The following TNR variants were observed in gnomAD, a reference collection of about 807,000 sequenced individuals.
TNR encodes the protein tenascin-R.
TNR carries 45 observed loss-of-function variants against 150.4 expected under a neutral mutation model. The ratio of observed to expected loss-of-function variants is 0.30; its 90% CI spans 0.24 to 0.38. TNR has a LOEUF of 0.38. Among genes scored for constraint, TNR ranks in the 10% least tolerant of loss-of-function variants. The pLI is 1.00. For missense variants in TNR, 1,544 were observed against 1,759.1 expected, an observed-to-expected ratio of 0.88 and a Z score of 2.19; for synonymous variants, 687 against 678.4, an observed-to-expected ratio of 1.01 and a Z score of -0.20.
intron 14 of TNR, among the ~76,000 whole-genome samples, chr1:175,361,659 A>T (rs1651591981): frequency 6.6e-6 from 1 of 152,218 alleles, no homozygotes; most frequent in Non-Finnish European, 1.5e-5. Flanking sequence ...TCATTTGGGA[A>T]ATACCATTCT....
chr1:175,340,055 G>A (rs1385502543), intron 18 of TNR, among the ~76,000 whole-genome samples: 1 of 152,128 alleles, frequency 6.6e-6, no homozygotes, highest in Admixed American at 6.5e-5. Flanking sequence ...ATAAAATAGT[G>A]ATTCATTTTT....
At chr1:175,574,316 C>A (rs1413203953) in intron 1 of TNR, among the ~76,000 whole-genome samples, 1 of 152,120 alleles carries the variant, frequency 6.6e-6, no homozygotes, top group Non-Finnish European at 1.5e-5. Context: ...CCCCATTGTC[C>A]TTTTCTGTCT....
rs1414453433 is a variant in TNR, at chr1:175,575,996, G to A, written c.-164-47627C>T. Among the ~76,000 whole-genome samples, 4 of 152,316 alleles carry A rather than the reference G, an allele frequency of 2.6e-5. No individual in the cohort carries two copies. The East Asian group carries it at 7.7e-4, about 29-fold the overall frequency. On this transcript the variant is annotated intron_variant, in intron 1 of 22. Coordinates refer to ENST00000367674, the MANE Select transcript of TNR (RefSeq NM_003285.3). ...GCGATTCGAGACATCCTCATTTGGG[G>A]AGCTGTGCCTCCAGCCAGCAGCTAT... is the stretch of plus-strand genomic sequence containing the variant.
intron 1 of TNR, among the ~76,000 whole-genome samples, chr1:175,568,704 GCAAGGCACAGTGCAC>G (rs1476029696): frequency 1.3e-5 from 2 of 152,180 alleles, no homozygotes; most frequent in African/African-American, 2.4e-5. Context: ...GGTTTCTACT[GCAAGGCACAGTGCAC>G]AGAAGAGCAA....
intron 1 of TNR, among the ~76,000 whole-genome samples, chr1:175,630,842 T>C (rs189635599): frequency 2.5e-3 from 380 of 152,062 alleles, no homozygotes; most frequent in African/African-American, 8.7e-3. Context: ...GGACAGCTTA[T>C]GAATAACAGG....
intron 14 of TNR, among the ~76,000 whole-genome samples, chr1:175,362,046 G>A (rs934607117): frequency 6.6e-5 from 10 of 152,178 alleles, no homozygotes; most frequent in African/African-American, 2.4e-4. Context: ...AGCTGATGGA[G>A]GATGCAGAAG....
At chr1:175,380,765 T>C (rs1251291391) in intron 8 of TNR, among the ~76,000 whole-genome samples, 1 of 152,186 alleles carries the variant, frequency 6.6e-6, no homozygotes, top group Non-Finnish European at 1.5e-5. Context: ...CATAAACAAC[T>C]TGCAGTGCAA....
intron 1 of TNR, among the ~76,000 whole-genome samples, chr1:175,575,461 T>C (rs1662064176): frequency 6.6e-6 from 1 of 152,208 alleles, no homozygotes; most frequent in Non-Finnish European, 1.5e-5. Flanking sequence ...GGTACTCATC[T>C]CTACCCTCAG....
intron 2 of TNR, among the ~76,000 whole-genome samples, chr1:175,452,683 T>C (rs1397112270): frequency 2.0e-5 from 3 of 152,166 alleles, no homozygotes; most frequent in Non-Finnish European, 4.4e-5. Context: ...ATTGTGAAGT[T>C]TGGAAGAACT....
rs749424184 is a variant in TNR at position 175,391,292 on chromosome 1, G to A, written c.1503C>T (p.Ser501=). ...ARSPPTSASV[S]TVIDGPTQIL... ...AGAAGGGTTGGAGGCACTCACCTGT[G>A]GAGACGCTGGCCGAGGTAGGGGGGC... The change falls in exon 7 of 23, where the codon TCC becomes TCT. Residue 501 remains serine (S), a synonymous_variant. Transcript: ENST00000367674. 1.2e-5 allele frequency: 19 copies of A among 1,613,542 alleles called. No homozygotes were observed. In the Admixed American group the frequency reaches 3.0e-4, roughly 25 times the overall value.
chr1:175,502,549 A>T (rs1658782907), intron 2 of TNR, among the ~76,000 whole-genome samples: 1 of 152,162 alleles, frequency 6.6e-6, no homozygotes, highest in Non-Finnish European at 1.5e-5. Flanking sequence ...TTAAAGCCAC[A>T]TACAAATCAG....
chr1:175,483,865 A>G (rs1350305365), intron 2 of TNR, among the ~76,000 whole-genome samples: 1 of 152,108 alleles, frequency 6.6e-6, no homozygotes, highest in African/African-American at 2.4e-5. Context: ...TGCCAGGTGC[A>G]CTGTCACCTA....
intron 1 of TNR, among the ~76,000 whole-genome samples, chr1:175,722,396 C>T (rs1667330036): frequency 6.6e-6 from 1 of 152,184 alleles, no homozygotes; most frequent in Non-Finnish European, 1.5e-5. Context: ...GACGCCAATA[C>T]TTATGCCTGC....
chr1:175,336,069 C>T (rs1314598699), intron 19 of TNR, among the ~76,000 whole-genome samples: 1 of 152,206 alleles, frequency 6.6e-6, no homozygotes, highest in African/African-American at 2.4e-5. Flanking sequence ...CACTAATTTG[C>T]ACCCCTGCAA....
rs149339053 is a variant in TNR at position 175,406,390 on chromosome 1, C to T, written c.325G>A (p.Glu109Lys). Residue 109 changes from glutamate (E) to lysine (K), a missense_variant, in exon 3 of 23, where the codon GAG (glutamate) becomes AAG (lysine). Glu to Lys is a moderately conservative substitution (Grantham distance 56, BLOSUM62 1). Coordinates refer to ENST00000367674, the MANE Select transcript of TNR (RefSeq NM_003285.3). ...CTGTGTGTAAAGGTGACCTGGCTCT[C>T]GTGGTCTGAGGTCTGGCCCATGTAC... ...AEYMGQTSDH[E>K]SQVTFTHRIN... 2.5e-5 allele frequency: 40 copies of T among 1,614,062 alleles called. No homozygotes were observed. The highest frequency in any genetic ancestry group is 1.6e-4 in the Middle Eastern group (1 of 6,084).
intron 2 of TNR, among the ~76,000 whole-genome samples, chr1:175,414,491 C>T (rs560682919): frequency 9.4e-4 from 143 of 152,264 alleles, no homozygotes; most frequent in African/African-American, 3.0e-3. Context: ...TGCAGTAATT[C>T]GATAGATTGA....
intron 1 of TNR, among the ~76,000 whole-genome samples, chr1:175,589,396 G>T (rs1055279913): frequency 3.3e-5 from 5 of 152,112 alleles, no homozygotes; most frequent in African/African-American, 1.2e-4. Flanking sequence ...GGACACTTTG[G>T]ATAATTAGAG....
At chr1:175,431,936 C>CCTTCTCTCTCTCTCTCTCTCTCTCT (rs1655289440) in intron 2 of TNR, among the ~76,000 whole-genome samples, 1 of 52,354 alleles carries the variant, frequency 1.9e-5, no homozygotes, top group Admixed American at 1.4e-4. Flanking sequence ...TCTCTCTCTC[C>CCTTCTCTCTCTCTCTCTCTCTCTCT]CTCTGTCTCT....
intron 2 of TNR, among the ~76,000 whole-genome samples, chr1:175,454,350 A>G (rs1656464376): frequency 6.6e-6 from 1 of 152,210 alleles, no homozygotes; most frequent in African/African-American, 2.4e-5. Flanking sequence ...CGCTAAACAT[A>G]GGGTGGTAGA....
Sources: allele counts gnomAD v4.1 joint callset (sites outside exome capture counted in the v4.1 genomes callset), GRCh38; gene constraint gnomAD v4.1.1; transcripts MANE v1.5; gene names NCBI Gene and HGNC (gene_info 2026-07-23, HGNC 2026-07-21).